Variants in HIPK2 observed in about 807,000 individuals in gnomAD.
HIPK2 encodes homeodomain-interacting protein kinase 2.
HIPK2 carries 27 observed loss-of-function variants against 113.7 expected under a neutral mutation model. That is an observed-to-expected ratio of 0.24 (90% CI 0.17 to 0.33). The LOEUF is 0.33. HIPK2 is among the 10% of genes least tolerant of loss of function. The pLI, the probability that HIPK2 is intolerant of heterozygous loss-of-function variation, is 1.00. For missense variants in HIPK2, 1,257 were observed against 1,588.0 expected (o/e 0.79, Z 3.54); for synonymous variants, 631 against 642.2 (o/e 0.98, Z 0.26).
chr7:139,687,014 G>A (rs895815863), intron 2 of HIPK2, among the ~76,000 whole-genome samples: 1 of 152,214 alleles, frequency 6.6e-6, no homozygotes, highest in Non-Finnish European at 1.5e-5. Flanking sequence ...TTGACATCGA[G>A]GTAAGACCCT....
At chr7:139,727,911 T>A (rs1325634218) in intron 1 of HIPK2, among the ~76,000 whole-genome samples, 4 of 151,842 alleles carry the variant, frequency 2.6e-5, no homozygotes, top group African/African-American at 9.7e-5. Context: ...AGAATCCTTT[T>A]TGAAACAAGA....
At position 139,584,008 on chromosome 7, in the gene HIPK2, G is replaced by C; in HGVS notation, c.2774C>G (p.Pro925Arg). ...GGTGTTGCTGGAGGAGTCGGAGTAG[G>C]GGGAGTCGTGGACTGTGACACAGCT... is the stretch of plus-strand genomic sequence containing the variant. ...VISCVTVHDS[P>R]YSDSSSNTSP... Residue 925 changes from proline to arginine, a missense_variant, in exon 13 of 15, where the codon CCC becomes CGC. By Grantham distance (103) the Pro-to-Arg change is moderately radical. Coordinates refer to ENST00000406875, the MANE Select transcript of HIPK2 (RefSeq NM_022740.5). 1 of 1,613,390 alleles carries C rather than the reference G, an allele frequency of 6.2e-7. No individual in the cohort carries two copies. Among genetic ancestry groups the C allele is most frequent in the South Asian group, 1.1e-5 (1 of 91,020 alleles).
chr7:139,631,519 C>A lies in HIPK2; in HGVS notation c.1227+83G>T, dbSNP rs1800616998. The A allele has an allele frequency of 1.3e-6, 2 of 1,564,012 alleles. No homozygotes were observed. The highest frequency in any genetic ancestry group is 1.2e-5 in the South Asian group (1 of 82,190). ...ACATTCCACAGTCCCGCCCATTTGT[C>A]ATGTAATCAATGAAATGCTAATCCA... On this transcript the variant is annotated intron_variant, in intron 3 of 14. Coordinates refer to ENST00000406875, the MANE Select transcript of HIPK2 (RefSeq NM_022740.5). This position sits in a 1 kb window ranked among gnomAD's most constrained non-coding sequence, Gnocchi z 4.9.
chr7:139,772,198 C>T (rs10257315), intron 1 of HIPK2, among the ~76,000 whole-genome samples: 15,557 of 152,020 alleles, frequency 0.1, 2,632 homozygotes, highest in African/African-American at 0.36. Context: ...CTGAATGCTT[C>T]GGAGTGACAG....
intron 12 of HIPK2, among the ~76,000 whole-genome samples, chr7:139,593,999 G>A (rs1466016396): frequency 6.6e-6 from 1 of 152,014 alleles, no homozygotes; most frequent in Non-Finnish European, 1.5e-5. Flanking sequence ...TGTAAGGGGA[G>A]ATCCCTCCCC....
intron 1 of HIPK2, among the ~76,000 whole-genome samples, chr7:139,746,313 T>C (rs1796190112): frequency 6.6e-6 from 1 of 152,144 alleles, no homozygotes; most frequent in African/African-American, 2.4e-5. Context: ...ATCAAGACCA[T>C]CCTTCAAACC....
chr7:139,767,876 A>C (rs979795857), intron 1 of HIPK2, among the ~76,000 whole-genome samples: 1 of 152,218 alleles, frequency 6.6e-6, no homozygotes, highest in African/African-American at 2.4e-5. Context: ...CCTGAACCTC[A>C]TTGGGTCAAG....
At chr7:139,616,715 T>G (rs939245213) in intron 7 of HIPK2, among the ~76,000 whole-genome samples, 1 of 152,212 alleles carries the variant, frequency 6.6e-6, no homozygotes, top group African/African-American at 2.4e-5. Context: ...CAGCTCCTGT[T>G]ACAATCTGCC....
chr7:139,634,660 ACTAT>A (rs1800742951), intron 2 of HIPK2, among the ~76,000 whole-genome samples: 2 of 138,172 alleles, frequency 1.4e-5, no homozygotes, highest in South Asian at 2.2e-4. Context: ...AAAAGAAGGG[ACTAT>A]CTGTTTCAGG....
chr7:139,741,538 G>A (rs767731925), intron 1 of HIPK2, among the ~76,000 whole-genome samples: 5 of 152,188 alleles, frequency 3.3e-5, no homozygotes, highest in Non-Finnish European at 7.3e-5. Flanking sequence ...AGTTTGACGC[G>A]GTGGGGATGC....
chr7:139,597,136 C>T (rs901687380), intron 11 of HIPK2, 138 bp from the exon 12 acceptor site: 14 of 886,306 alleles, frequency 1.6e-5, no homozygotes, highest in Admixed American at 5.6e-5. Context: ...GAGCCTCCAT[C>T]TGTGACTGGG....
Position 139,614,314 on chromosome 7 carries a change from A to C in HIPK2, c.1962T>G (p.Ala654=). 1 of 1,545,780 alleles carries C rather than the reference A, an allele frequency of 6.5e-7. No individual in the cohort carries two copies. Among genetic ancestry groups the C allele is most frequent in the Non-Finnish European group, 8.8e-7 (1 of 1,135,814 alleles). The change falls in exon 8 of 15, where the codon GCT becomes GCG. Residue 654 remains alanine, a synonymous_variant. Transcript: ENST00000406875. ...ICARPDPFQQ[A]LIVCPPGFQG... is the part of the protein sequence containing the mutation. Reference sequence around the variant, plus strand: ...GGAAGCCGGGGGGACACACGATGAGAGCTTGCTGGAACGGGTCAGGCCGGG... The same window carrying C: ...GGAAGCCGGGGGGACACACGATGAGCGCTTGCTGGAACGGGTCAGGCCGGG...
chr7:139,736,849 T>A (rs116629466), intron 1 of HIPK2, among the ~76,000 whole-genome samples: 6,373 of 152,232 alleles, frequency 0.042, 447 homozygotes, highest in African/African-American at 0.15. Context: ...AACGGCTGGA[T>A]GCAGGGAAGC....
At chr7:139,767,930 G>A (rs1196309641) in intron 1 of HIPK2, among the ~76,000 whole-genome samples, 2 of 152,204 alleles carry the variant, frequency 1.3e-5, no homozygotes, top group East Asian at 3.9e-4. Context: ...CCATTCATAG[G>A]CTGAGCACCC....
At chr7:139,635,395 A>G (rs1400711695) in intron 2 of HIPK2, among the ~76,000 whole-genome samples, 4 of 152,176 alleles carry the variant, frequency 2.6e-5, no homozygotes, top group Non-Finnish European at 5.9e-5. Flanking sequence ...GGCTGTTCCT[A>G]ACCCACGGAA....
At position 139,564,978 on chromosome 7, in the gene HIPK2, T is replaced by C. The variant is rs1472363861; in HGVS notation, c.*7949A>G. On this transcript the variant is annotated 3_prime_UTR_variant, in exon 15 of 15. Transcript: ENST00000406875. ...ATAATCTCTTCCTTGGTTTAATTTT[T>C]GTTGTAAAGATGAGCTATTTTCAGA... The C allele has an allele frequency of 6.6e-6, 1 of 152,228 alleles. No individual in the cohort carries two copies. The highest frequency in any genetic ancestry group is 1.5e-5 in the Non-Finnish European group (1 of 68,034). 9.4% of individuals were successfully genotyped at this position (152,228 alleles called of 1,614,324 possible).
rs144941864 is a variant in HIPK2, at chr7:139,656,277, C to T, written c.1104-24552G>A. Among the ~76,000 whole-genome samples the T allele has an allele frequency of 1.4e-3, 212 of 152,264 alleles. 1 individual carries two copies. The highest frequency in any genetic ancestry group is 5.0e-3 in the African/African-American group (208 of 41,532). ...CTAATTGGATGCCTCAAAGTGAAGTCATCATGTCCCTCCACCCCCACAAAA... is the reference window on the plus strand; with the variant it reads ...CTAATTGGATGCCTCAAAGTGAAGTTATCATGTCCCTCCACCCCCACAAAA... On this transcript the variant is annotated intron_variant, in intron 2 of 14. Coordinates refer to ENST00000406875, the MANE Select transcript of HIPK2 (RefSeq NM_022740.5).
chr7:139,584,797 T>C (rs1798783450), intron 12 of HIPK2, among the ~76,000 whole-genome samples: 2 of 152,110 alleles, frequency 1.3e-5, no homozygotes, highest in Non-Finnish European at 2.9e-5. Flanking sequence ...TCGGGGGAGA[T>C]GGTATTGCAC....
chr7:139,699,615 G>A (rs1794652729), intron 2 of HIPK2, among the ~76,000 whole-genome samples: 1 of 152,224 alleles, frequency 6.6e-6, no homozygotes, highest in South Asian at 2.1e-4. Flanking sequence ...TGGGGAGGGT[G>A]GAGCTGGCAT....
Sources: allele counts gnomAD v4.1 joint callset (sites outside exome capture counted in the v4.1 genomes callset), GRCh38; gene constraint gnomAD v4.1.1; non-coding constraint Gnocchi (gnomAD v3.1); transcripts MANE v1.5; gene names NCBI Gene and HGNC (gene_info 2026-07-23, HGNC 2026-07-21).